The following CSMD1 variants were observed in gnomAD, a reference collection of about 807,000 sequenced individuals.
CSMD1 encodes CUB and sushi domain-containing protein 1.
A neutral mutation model predicts 417.5 loss-of-function variants in CSMD1; 213 were observed. The ratio of observed to expected loss-of-function variants is 0.51; its 90% confidence interval spans 0.46 to 0.57. The LOEUF is 0.57. Ranked by LOEUF, CSMD1 falls within the 20% of genes least tolerant of loss-of-function variation. CSMD1 has a pLI of 0.00. For missense variants in CSMD1, 6,923 were observed against 4,529.7 expected (o/e 1.53, Z -15.17); for synonymous variants, 2,862 against 1,736.8 (o/e 1.65, Z -16.11).
intron 3 of CSMD1, among the ~76,000 whole-genome samples, chr8:4,346,692 G>T (rs981724536): frequency 6.6e-6 from 1 of 152,094 alleles, no homozygotes; most frequent in Non-Finnish European, 1.5e-5. Flanking sequence ...TCGTATGAGT[G>T]CTAGTCAGAA....
intron 4 of CSMD1, among the ~76,000 whole-genome samples, chr8:4,020,385 A>G (rs1277062476): frequency 1.3e-5 from 2 of 152,158 alleles, no homozygotes; most frequent in Non-Finnish European, 2.9e-5. Flanking sequence ...TTTAATCCTT[A>G]AACTGACACT....
intron 2 of CSMD1, among the ~76,000 whole-genome samples, chr8:4,628,534 T>C (rs1047190780): frequency 4.6e-5 from 7 of 151,068 alleles, no homozygotes; most frequent in African/African-American, 1.5e-4. Context: ...GAAAGAGACA[T>C]AGGATAAGCA....
chr8:3,556,433 T>G, intron 10 of CSMD1, among the ~76,000 whole-genome samples: 1 of 111,012 alleles, frequency 9.0e-6, no homozygotes, highest in African/African-American at 3.6e-5. Flanking sequence ...ACAAAGAATT[T>G]ATGAGGGATC....
intron 2 of CSMD1, among the ~76,000 whole-genome samples, chr8:4,486,473 T>C (rs908557862): frequency 9.2e-5 from 14 of 151,672 alleles, no homozygotes; most frequent in Non-Finnish European, 1.9e-4. Context: ...ATTTCTTCCT[T>C]TATATTAGTT....
chr8:4,141,998 A>T (rs1377373553), intron 3 of CSMD1, among the ~76,000 whole-genome samples: 2 of 151,010 alleles, frequency 1.3e-5, no homozygotes, highest in African/African-American at 5.0e-5. Context: ...CTCAACTTAT[A>T]TATTCAATGA....
At chr8:3,781,099 G>C (rs1385551979) in intron 5 of CSMD1, among the ~76,000 whole-genome samples, 2 of 152,120 alleles carry the variant, frequency 1.3e-5, no homozygotes, top group Non-Finnish European at 2.9e-5. Context: ...ACTGCAAACT[G>C]TTTCAAGAAG....
chr8:4,827,339 G>C (rs991620761), intron 1 of CSMD1, among the ~76,000 whole-genome samples: 3 of 152,132 alleles, frequency 2.0e-5, no homozygotes, highest in Admixed American at 1.3e-4. Context: ...CCTAAGGCTA[G>C]AAGAGCACAC....
chr8:4,968,266 C>T (rs1201879361), intron 1 of CSMD1, among the ~76,000 whole-genome samples: 3 of 150,960 alleles, frequency 2.0e-5, no homozygotes, highest in Non-Finnish European at 4.4e-5. Flanking sequence ...GAGCTAACTA[C>T]AAAGTCTGCC....
chr8:3,201,588 AG>A, intron 32 of CSMD1, 23 bp downstream of exon 32: 1 of 1,433,282 alleles, frequency 7.0e-7, no homozygotes, highest in Non-Finnish European at 9.7e-7. Context: ...AACTAAATTA[AG>A]GGCAAAATTC....
intron 2 of CSMD1, among the ~76,000 whole-genome samples, chr8:4,623,972 G>T (rs1366720190): frequency 2.0e-5 from 3 of 152,012 alleles, no homozygotes; most frequent in Non-Finnish European, 4.4e-5. Context: ...TTCAATATCT[G>T]CACTTTATTG....
At chr8:4,085,384 A>T (rs896821251) in intron 3 of CSMD1, among the ~76,000 whole-genome samples, 2 of 152,220 alleles carry the variant, frequency 1.3e-5, no homozygotes, top group African/African-American at 4.8e-5. Context: ...GCTATATTGG[A>T]GAAGCTCCAA....
At chr8:3,627,561 A>G (rs575981976) in intron 7 of CSMD1, among the ~76,000 whole-genome samples, 2 of 152,312 alleles carry the variant, frequency 1.3e-5, no homozygotes, top group African/African-American at 2.4e-5. Flanking sequence ...ACTTACAGGT[A>G]TCTGTAAATG....
chr8:3,825,685 G>C lies in CSMD1; in HGVS notation c.819-71643C>G, dbSNP rs529162906. Reference sequence around the variant, plus strand: ...CAAGTTTTACTCTCTAGGCTCAAGAGCTCCCTCAAAGACATAGTAGCTAGC... The same window carrying C: ...CAAGTTTTACTCTCTAGGCTCAAGACCTCCCTCAAAGACATAGTAGCTAGC... On this transcript the variant is annotated intron_variant, in intron 5 of 69. Coordinates refer to ENST00000635120, the MANE Select transcript of CSMD1 (RefSeq NM_033225.6). Among the ~76,000 whole-genome samples the C allele has an allele frequency of 3.9e-5, 6 of 152,206 alleles. No individual in the cohort carries two copies. In the East Asian group the frequency reaches 1.2e-3, roughly 30 times the overall value.
chr8:4,048,973 G>C (rs1304578817), intron 3 of CSMD1, among the ~76,000 whole-genome samples: 1 of 152,060 alleles, frequency 6.6e-6, no homozygotes, highest in Non-Finnish European at 1.5e-5. Context: ...AAATGTGTGT[G>C]AATTTCTCTA....
intron 4 of CSMD1, among the ~76,000 whole-genome samples, chr8:4,004,427 T>C (rs1481990704): frequency 6.6e-6 from 1 of 151,952 alleles, no homozygotes; most frequent in Non-Finnish European, 1.5e-5. Flanking sequence ...AATCTTTTTT[T>C]TTTTTTTAAA....
intron 25 of CSMD1, among the ~76,000 whole-genome samples, chr8:3,303,764 C>G (rs1179150581): frequency 6.6e-6 from 1 of 152,140 alleles, no homozygotes; most frequent in Non-Finnish European, 1.5e-5. Flanking sequence ...ATGAAATATG[C>G]TGGATCTCTT....
intron 8 of CSMD1, among the ~76,000 whole-genome samples, chr8:3,609,207 G>C (rs927226621): frequency 1.3e-5 from 2 of 152,132 alleles, no homozygotes; most frequent in African/African-American, 2.4e-5. Flanking sequence ...CATCTGCCTG[G>C]ACATAGGCTA....
At chr8:4,223,919 G>T (rs1043145812) in intron 3 of CSMD1, among the ~76,000 whole-genome samples, 1 of 152,162 alleles carries the variant, frequency 6.6e-6, no homozygotes, top group Non-Finnish European at 1.5e-5. Flanking sequence ...CTTCCAGACG[G>T]TTAATAACAT....
At chr8:3,448,790 T>A (rs1392501887) in intron 12 of CSMD1, among the ~76,000 whole-genome samples, 1 of 152,126 alleles carries the variant, frequency 6.6e-6, no homozygotes, top group East Asian at 1.9e-4. Context: ...CAATAGTGAG[T>A]GACTTATTCT....
Sources: allele counts gnomAD v4.1 joint callset (sites outside exome capture counted in the v4.1 genomes callset), GRCh38; gene constraint gnomAD v4.1.1; transcripts MANE v1.5; gene names NCBI Gene and HGNC (gene_info 2026-07-23, HGNC 2026-07-21).